PCLO: variants seen among roughly 807,000 people sequenced by gnomAD.
PCLO encodes piccolo presynaptic cytomatrix protein.
PCLO carries 82 observed loss-of-function variants against 427.5 expected under a neutral mutation model. The ratio of observed to expected loss-of-function variants is 0.19; its 90% CI spans 0.16 to 0.23. The LOEUF is 0.23. Among genes scored for constraint, PCLO ranks in the 10% least tolerant of loss-of-function variants. The pLI, the probability that PCLO is intolerant of heterozygous loss-of-function variation, is 1.00. For synonymous variants in PCLO, 2,357 were observed against 2,155.4 expected, an observed-to-expected ratio of 1.09 and a Z score of -2.59; for missense variants, 6,239 against 6,115.9, an observed-to-expected ratio of 1.02 and a Z score of -0.67.
intron 3 of PCLO, among the ~76,000 whole-genome samples, chr7:83,077,360 C>G (rs1324349353): frequency 3.3e-5 from 5 of 152,194 alleles, no homozygotes; most frequent in Admixed American, 3.3e-4. Flanking sequence ...AAGGGGTCAT[C>G]ATAAACTCAT....
At chr7:83,043,145 G>T (rs1789013367) in intron 3 of PCLO, among the ~76,000 whole-genome samples, 1 of 152,072 alleles carries the variant, frequency 6.6e-6, no homozygotes, top group African/African-American at 2.4e-5. Context: ...AATCAAAAAT[G>T]CCTCCAGACA....
chr7:83,108,991 T>C (rs1790935953), intron 3 of PCLO, among the ~76,000 whole-genome samples: 1 of 143,932 alleles, frequency 6.9e-6, no homozygotes, highest in African/African-American at 2.7e-5. Flanking sequence ...TGCTTTTGCA[T>C]CCACCTAATA....
rs1192036657 is a variant in PCLO at position 82,954,372 on chromosome 7, G to A, written c.6581C>T (p.Thr2194Ile). ...GGTAGTAATGGGTGAAGAGCTATCT[G>A]TGGTACAGACCGAAGAAACAGATGA... is the stretch of plus-strand genomic sequence containing the variant. ...LTSSVSSVCT[T>I]DSSSPITTLD... is the part of the protein sequence containing the mutation. The change falls in exon 5 of 25, where the codon ACA (threonine) becomes ATA (isoleucine). Residue 2194 changes from threonine to isoleucine, a missense_variant. Physicochemically the swap from Thr to Ile is moderately conservative, Grantham distance 89. This residue lies in a region of PCLO where 4,677 missense variants were observed against 4,468.4 expected (regional missense o/e 1.05). Coordinates refer to ENST00000333891, the MANE Select transcript of PCLO (RefSeq NM_033026.6). The A allele has an allele frequency of 2.5e-6, 4 of 1,613,780 alleles. No individual in the cohort carries two copies. In the African/African-American group the frequency reaches 5.3e-5, roughly 22 times the overall value.
At chr7:83,069,563 AC>A (rs1247941198) in intron 3 of PCLO, among the ~76,000 whole-genome samples, 3 of 152,170 alleles carry the variant, frequency 2.0e-5, no homozygotes, top group African/African-American at 7.2e-5. Flanking sequence ...TTATACATGT[AC>A]TTTTACATAT....
In PCLO at chr7:82,756,824, G is replaced by A. The variant is rs1015444648; in HGVS notation, c.*1751C>T. Reference sequence around the variant, plus strand: ...CATTTAATTTGGGATAGCAAAATTTGCATTTTCATGTAATTCTTCACCTTT... The same window carrying A: ...CATTTAATTTGGGATAGCAAAATTTACATTTTCATGTAATTCTTCACCTTT... On this transcript the variant is annotated 3_prime_UTR_variant, in exon 25 of 25. Transcript: ENST00000333891. The A allele has an allele frequency of 2.0e-5, 3 of 151,926 alleles. No homozygotes were observed. The highest frequency in any genetic ancestry group is 7.3e-5 in the African/African-American group (3 of 41,378). 9.4% of individuals were successfully genotyped at this position (151,926 alleles called of 1,614,324 possible).
intron 3 of PCLO, among the ~76,000 whole-genome samples, chr7:83,107,252 G>A (rs561220728): frequency 9.2e-5 from 14 of 152,044 alleles, no homozygotes; most frequent in African/African-American, 2.4e-4. Context: ...AATAATCATA[G>A]GAAATAAAAT....
At chr7:82,841,090 T>A (rs930263565) in intron 14 of PCLO, among the ~76,000 whole-genome samples, 1 of 151,950 alleles carries the variant, frequency 6.6e-6, no homozygotes, top group Non-Finnish European at 1.5e-5. Flanking sequence ...TAAAGCAATT[T>A]TTGATTAAAA....
chr7:83,136,384 T>C (rs188789520), intron 2 of PCLO, among the ~76,000 whole-genome samples: 5 of 152,262 alleles, frequency 3.3e-5, no homozygotes, highest in African/African-American at 1.2e-4. Flanking sequence ...TTAGATATCA[T>C]AAATCAGTTA....
chr7:82,799,438 C>G (rs10269313), intron 22 of PCLO, among the ~76,000 whole-genome samples: 54,913 of 151,954 alleles, frequency 0.36, 10,509 homozygotes, highest in African/African-American at 0.46. Context: ...ATTCTGTCAA[C>G]TGTGTTTTAA....
intron 6 of PCLO, among the ~76,000 whole-genome samples, chr7:82,944,146 A>C (rs1417944136): frequency 1.3e-5 from 2 of 149,514 alleles, no homozygotes; most frequent in African/African-American, 4.9e-5. Flanking sequence ...ATAAAAAAAA[A>C]AAAAAAAAAA....
chr7:82,817,421 C>T (rs968661507), intron 20 of PCLO, among the ~76,000 whole-genome samples: 8 of 152,058 alleles, frequency 5.3e-5, no homozygotes, highest in African/African-American at 1.7e-4. Context: ...GGCTAAATTC[C>T]TTCTGACCAG....
intron 20 of PCLO, among the ~76,000 whole-genome samples, chr7:82,812,634 G>A (rs1791596261): frequency 6.6e-6 from 1 of 151,314 alleles, no homozygotes; most frequent in Non-Finnish European, 1.5e-5. Context: ...CGAATAAATA[G>A]AATGAAAAAA....
intron 3 of PCLO, among the ~76,000 whole-genome samples, chr7:83,090,986 G>T (rs1790363530): frequency 6.6e-6 from 1 of 152,060 alleles, no homozygotes; most frequent in Non-Finnish European, 1.5e-5. Flanking sequence ...TAGAAACACA[G>T]TTTGTATATA....
At chr7:82,940,188 G>A (rs1439851706) in intron 6 of PCLO, among the ~76,000 whole-genome samples, 2 of 152,136 alleles carry the variant, frequency 1.3e-5, no homozygotes, top group Non-Finnish European at 2.9e-5. Flanking sequence ...AGTTGAGTGA[G>A]CATTTATAGG....
At chr7:82,866,938 C>T (rs2371362) in intron 10 of PCLO, among the ~76,000 whole-genome samples, 63,953 of 151,894 alleles carry the variant, frequency 0.42, 14,624 homozygotes, top group Middle Eastern at 0.51. Context: ...GGAATTCTTT[C>T]GAGTGGGGGA....
intron 10 of PCLO, among the ~76,000 whole-genome samples, chr7:82,850,436 G>A (rs576594692): frequency 1.3e-5 from 2 of 152,126 alleles, no homozygotes; most frequent in South Asian, 4.2e-4. Flanking sequence ...CAATAATTAG[G>A]TAATTCAAGA....
chr7:82,765,977 C>G (rs985857889), intron 22 of PCLO, among the ~76,000 whole-genome samples: 11 of 151,958 alleles, frequency 7.2e-5, no homozygotes, highest in Middle Eastern at 3.4e-3. Context: ...GACAGAAAAC[C>G]CAAAGAAGTG....
intron 9 of PCLO, among the ~76,000 whole-genome samples, chr7:82,884,935 TG>T: frequency 6.6e-6 from 1 of 152,158 alleles, no homozygotes. Context: ...TTATATAAAA[TG>T]TAAGTAGGAA....
chr7:82,964,778 G>A (rs565620531), intron 4 of PCLO, among the ~76,000 whole-genome samples: 2 of 152,198 alleles, frequency 1.3e-5, no homozygotes, highest in Middle Eastern at 6.8e-3. Flanking sequence ...TTTTGACTCT[G>A]ATCAAACTCA....
Sources: gnomAD v4.1 joint callset for allele counts (sites outside exome capture counted in the v4.1 genomes callset) on GRCh38, gnomAD v4.1.1 for gene constraint, gnomAD v4.1.1 regional missense constraint, MANE v1.5 for transcripts, NCBI Gene and HGNC (gene_info 2026-07-23, HGNC 2026-07-21) for gene names.